COL19A1: variants seen among roughly 807,000 people sequenced by gnomAD.
The protein encoded by COL19A1 is collagen alpha-1(XIX) chain.
In COL19A1, 159 loss-of-function variants were observed where a neutral mutation model predicts 190.2. The observed-to-expected ratio is 0.84, with a 90% CI of 0.73 to 0.95. COL19A1 has a LOEUF of 0.95. COL19A1 is among the 40% of genes least tolerant of loss of function. COL19A1 has a pLI of 0.00. For missense variants in COL19A1, 1,418 were observed against 1,431.9 expected (o/e 0.99, Z 0.16); for synonymous variants, 509 against 458.9 (o/e 1.11, Z -1.39).
At chr6:69,959,287 T>C (rs140850992) in intron 9 of COL19A1, among the ~76,000 whole-genome samples, 97 of 152,248 alleles carry the variant, frequency 6.4e-4, no homozygotes, top group Middle Eastern at 3.4e-3. Flanking sequence ...TTAAATGGCA[T>C]TGGGTATGTA....
At chr6:70,193,402 C>T (rs537319893) in intron 48 of COL19A1, among the ~76,000 whole-genome samples, 26 of 152,272 alleles carry the variant, frequency 1.7e-4, no homozygotes, top group South Asian at 4.1e-4. Context: ...GGTCTGGATC[C>T]TTCCTCTCTG....
rs13204209 is a variant in COL19A1, at chr6:70,141,897, A to C, written c.1487A>C (p.Glu496Ala). The C allele has an allele frequency of 1.3e-6, 2 of 1,587,112 alleles. No homozygotes were observed. Among genetic ancestry groups the C allele is most frequent in the South Asian group, 1.1e-5 (1 of 90,500 alleles). Residue 496 changes from glutamate (E) to alanine (A), a missense_variant, in exon 21 of 51, where the codon GAA becomes GCA. Transcript: ENST00000620364. ...FTKGEKGDRGEPGVIGSQGVK... is the reference protein window; with the variant it reads ...FTKGEKGDRGAPGVIGSQGVK... ...TAGTAATTATTTTATTTACAGGGAG[A>C]ACCTGGGGTAATAGGATCACAGGGA... is the stretch of plus-strand genomic sequence containing the variant.
chr6:70,032,571 C>T (rs1384497403), intron 12 of COL19A1, among the ~76,000 whole-genome samples: 1 of 151,908 alleles, frequency 6.6e-6, no homozygotes, highest in Non-Finnish European at 1.5e-5. Context: ...TTATTTAATG[C>T]AATATATCCA....
intron 4 of COL19A1, among the ~76,000 whole-genome samples, chr6:69,922,477 G>GT (rs5877232): frequency 0.053 from 4,832 of 90,796 alleles, 164 homozygotes; most frequent in Non-Finnish European, 0.073. Context: ...TTCTATTTAG[G>GT]TTTTTTTTTT....
rs1210495557 is a variant in COL19A1 at position 70,190,382 on chromosome 6, G to A, written c.3094+1G>A. ...CAAGAGGTCCTAAGGATTTTTGAAG[G>A]TTAGATTTTCTTAATAACATTTTCG... is the stretch of plus-strand genomic sequence containing the variant. On this transcript the variant is annotated splice_donor_variant, in intron 48 of 50. Coordinates refer to ENST00000620364, the MANE Select transcript of COL19A1 (RefSeq NM_001858.6). LOFTEE classifies it high-confidence loss of function. 1.3e-6 allele frequency: 2 copies of A among 1,587,960 alleles called. No homozygotes were observed. Among genetic ancestry groups the A allele is most frequent in the Non-Finnish European group, 1.7e-6 (2 of 1,159,916 alleles).
chr6:70,192,371 T>C (rs1766927847), intron 48 of COL19A1, among the ~76,000 whole-genome samples: 1 of 152,230 alleles, frequency 6.6e-6, no homozygotes, highest in African/African-American at 2.4e-5. Context: ...AGTTTACTAA[T>C]ACATTTGTCC....
At chr6:70,053,012 T>C (rs565207551) in intron 14 of COL19A1, among the ~76,000 whole-genome samples, 1 of 152,308 alleles carries the variant, frequency 6.6e-6, no homozygotes, top group South Asian at 2.1e-4. Context: ...GCAATACATA[T>C]CAATTCTCTA....
chr6:70,000,979 T>C (rs1297159492), intron 11 of COL19A1, among the ~76,000 whole-genome samples: 2 of 152,216 alleles, frequency 1.3e-5, no homozygotes, highest in African/African-American at 2.4e-5. Context: ...CTAGGTTTTC[T>C]TCTAGGGTTT....
At chr6:70,071,492 G>A (rs941298132) in intron 15 of COL19A1, among the ~76,000 whole-genome samples, 2 of 152,016 alleles carry the variant, frequency 1.3e-5, no homozygotes, top group African/African-American at 4.8e-5. Flanking sequence ...GTGACAATAT[G>A]TATCTGAAAT....
At chr6:70,156,606 T>G (rs768490118) in intron 33 of COL19A1, 64 bp from the exon 34 acceptor site, 33 of 1,556,486 alleles carry the variant, frequency 2.1e-5, no homozygotes, top group Middle Eastern at 3.4e-4. Context: ...AGAAGAGATT[T>G]TTTTCATTTC....
At chr6:70,186,258 T>C (rs1021283720) in intron 46 of COL19A1, among the ~76,000 whole-genome samples, 4 of 152,222 alleles carry the variant, frequency 2.6e-5, no homozygotes, top group Non-Finnish European at 5.9e-5. Flanking sequence ...ACCTAACTTA[T>C]AAAATAATTT....
chr6:69,977,587 A>T (rs1270930842), intron 11 of COL19A1, among the ~76,000 whole-genome samples: 3 of 152,172 alleles, frequency 2.0e-5, no homozygotes, highest in Non-Finnish European at 4.4e-5. Flanking sequence ...AAACTTAAAA[A>T]AAAAAAAGAA....
intron 14 of COL19A1, among the ~76,000 whole-genome samples, chr6:70,054,677 G>T (rs1780393932): frequency 6.6e-6 from 1 of 151,990 alleles, no homozygotes; most frequent in Admixed American, 6.6e-5. Context: ...ACTGTTAAAG[G>T]CTTATAATAA....
chr6:70,207,339 T>A lies in COL19A1; in HGVS notation c.*65T>A. ...TGCCACTGGAGCTCTCTTAATACCG[T>A]CAAACCCTCATCATCTGTGGGTTGC... On this transcript the variant is annotated 3_prime_UTR_variant, in exon 51 of 51. Transcript: ENST00000620364. 1 of 1,139,066 alleles carries A rather than the reference T, an allele frequency of 8.8e-7. No homozygotes were observed. The highest frequency in any genetic ancestry group is 1.2e-6 in the Non-Finnish European group (1 of 835,864). 70.6% of individuals were successfully genotyped at this position (1,139,066 alleles called of 1,614,324 possible). A position where few individuals can be genotyped will look rare whatever the true frequency, so the allele number is the denominator to read the frequency against.
At chr6:69,950,559 C>G (rs190485107) in intron 9 of COL19A1, among the ~76,000 whole-genome samples, 1 of 151,576 alleles carries the variant, frequency 6.6e-6, no homozygotes, top group East Asian at 1.9e-4. Context: ...AGGTAGCTGG[C>G]GACTTCTGGT....
At position 70,035,885 on chromosome 6, in the gene COL19A1, T is replaced by G; in HGVS notation, c.1135-19T>G. ...AAAGGGACTAGTGGTAATTGTAGCT[T>G]TTCTTTAATCTATTTTAGGGAGATA... On this transcript the variant is annotated intron_variant, in intron 13 of 50. Transcript: ENST00000620364. 6.2e-7 allele frequency: 1 copy of G among 1,610,574 alleles called. No homozygotes were observed. The highest frequency in any genetic ancestry group is 8.5e-7 in the Non-Finnish European group (1 of 1,177,204).
intron 18 of COL19A1, among the ~76,000 whole-genome samples, chr6:70,132,624 T>C (rs537761604): frequency 1.4e-3 from 213 of 152,328 alleles, no homozygotes; most frequent in Non-Finnish European, 2.5e-3. Context: ...TGCTTCTGAA[T>C]CCTGGCTGCA....
intron 15 of COL19A1, among the ~76,000 whole-genome samples, chr6:70,076,320 A>T (rs1270534329): frequency 6.6e-6 from 1 of 152,222 alleles, no homozygotes; most frequent in East Asian, 1.9e-4. Flanking sequence ...TTGTGGTATC[A>T]CACTGAAACC....
intron 14 of COL19A1, among the ~76,000 whole-genome samples, chr6:70,060,223 T>C (rs139118596): frequency 6.6e-6 from 1 of 152,282 alleles, no homozygotes; most frequent in Non-Finnish European, 1.5e-5. Context: ...AAAATAAAAA[T>C]GATTATATAA....
Sources: allele counts gnomAD v4.1 joint callset (sites outside exome capture counted in the v4.1 genomes callset), GRCh38; gene constraint gnomAD v4.1.1; transcripts MANE v1.5; gene names NCBI Gene and HGNC (gene_info 2026-07-23, HGNC 2026-07-21).